COL24A1: variants seen among roughly 807,000 people sequenced by gnomAD.
The protein encoded by COL24A1 is collagen type XXIV alpha 1 chain, also known as collagen alpha-1(XXIV) chain.
A neutral mutation model predicts 253.9 loss-of-function variants in COL24A1; 224 were observed. The ratio of observed to expected loss-of-function variants is 0.88; its 90% confidence interval spans 0.79 to 0.99. The LOEUF (loss-of-function observed/expected upper bound fraction) is 0.99. COL24A1 is among the 50% of genes least tolerant of loss of function. The probability of loss-of-function intolerance (pLI) is 0.00; values close to 1 mark genes in which losing one functional copy is unlikely to be tolerated. For synonymous variants in COL24A1, 685 were observed against 673.7 expected, an observed-to-expected ratio of 1.02 and a Z score of -0.26; for missense variants, 2,131 against 2,068.5, an observed-to-expected ratio of 1.03 and a Z score of -0.59.
intron 2 of COL24A1, among the ~76,000 whole-genome samples, chr1:86,139,184 GGGGAGAGGGA>G (rs1650720362): frequency 6.6e-6 from 1 of 151,090 alleles, no homozygotes; most frequent in Non-Finnish European, 1.5e-5. Flanking sequence ...GAGAAAGGGG[GGGGAGAGGGA>G]GGAGAGAGAA....
At chr1:85,893,240 C>T (rs1482301866) in intron 31 of COL24A1, among the ~76,000 whole-genome samples, 1 of 151,770 alleles carries the variant, frequency 6.6e-6, no homozygotes, top group Admixed American at 6.6e-5. Flanking sequence ...TACTTCACAA[C>T]AAATAGTATT....
At chr1:86,045,323 A>G (rs1476649981) in intron 12 of COL24A1, among the ~76,000 whole-genome samples, 2 of 152,178 alleles carry the variant, frequency 1.3e-5, no homozygotes, top group South Asian at 2.1e-4. Context: ...AGGGTAAGGT[A>G]GCATTTTAAG....
intron 24 of COL24A1, among the ~76,000 whole-genome samples, chr1:85,925,743 C>T (rs1282204174): frequency 1.3e-5 from 2 of 152,144 alleles, no homozygotes; most frequent in Admixed American, 6.6e-5. Context: ...TAAGCATTAC[C>T]ATCCAGGCCA....
At chr1:86,137,711 G>A (rs1650465583) in intron 2 of COL24A1, among the ~76,000 whole-genome samples, 2 of 152,078 alleles carry the variant, frequency 1.3e-5, no homozygotes, top group South Asian at 4.1e-4. Flanking sequence ...AACCACATAT[G>A]CTGACTCACA....
In COL24A1 at chr1:85,730,519, C is replaced by T. The variant is rs1663368649; in HGVS notation, c.*27G>A. ...TCTGCAGCAATTACCTGGCCAACAG[C>T]CTGAATTCGGAACTAATTCAGAGAC... On this transcript the variant is annotated 3_prime_UTR_variant, in exon 60 of 60. Coordinates refer to ENST00000370571, the MANE Select transcript of COL24A1 (RefSeq NM_152890.7). The T allele has an allele frequency of 6.2e-7, 1 of 1,609,224 alleles. No homozygotes were observed. Among genetic ancestry groups the T allele is most frequent in the African/African-American group, 1.3e-5 (1 of 74,822 alleles).
intron 19 of COL24A1, among the ~76,000 whole-genome samples, chr1:85,988,556 G>T (rs1305309430): frequency 6.6e-6 from 1 of 151,968 alleles, no homozygotes; most frequent in Non-Finnish European, 1.5e-5. Flanking sequence ...TATTGATTTT[G>T]TCATAGATTA....
chr1:86,070,789 T>G (rs1166659286), intron 7 of COL24A1, among the ~76,000 whole-genome samples: 1 of 152,044 alleles, frequency 6.6e-6, no homozygotes, highest in Non-Finnish European at 1.5e-5. Flanking sequence ...AAACAAAAGT[T>G]AATGGATTCC....
rs539249068 is a variant in COL24A1 at position 85,882,689 on chromosome 1, A to C, written c.2977-5514T>G. ...TTTCTGCCTGCTGGGTCTCTCAATT[A>C]CTGATAGAGGGGTGTTATTGTCTCC... is the stretch of plus-strand genomic sequence containing the variant. On this transcript the variant is annotated intron_variant, in intron 32 of 59. Coordinates refer to ENST00000370571, the MANE Select transcript of COL24A1 (RefSeq NM_152890.7). 3.9e-5 allele frequency among the ~76,000 whole-genome samples: 6 copies of C among 152,254 alleles called. No homozygotes were observed. In the South Asian group the frequency reaches 1.2e-3, roughly 32 times the overall value.
intron 19 of COL24A1, among the ~76,000 whole-genome samples, chr1:86,009,150 T>C (rs1696267413): frequency 6.6e-6 from 1 of 152,160 alleles, no homozygotes; most frequent in Non-Finnish European, 1.5e-5. Flanking sequence ...AATGCAAATG[T>C]AGCCAGGAAA....
intron 47 of COL24A1, among the ~76,000 whole-genome samples, chr1:85,791,537 G>C (rs313720): frequency 0.99 from 150,605 of 152,252 alleles, 74,509 homozygotes; most frequent in Middle Eastern, 1. Flanking sequence ...TTTCAAAATC[G>C]ATTTGACTGT....
intron 20 of COL24A1, among the ~76,000 whole-genome samples, chr1:85,975,398 G>A (rs1320549057): frequency 6.6e-6 from 1 of 152,112 alleles, no homozygotes; most frequent in Non-Finnish European, 1.5e-5. Context: ...TAAAGAAAAT[G>A]TAGTATATTA....
intron 2 of COL24A1, among the ~76,000 whole-genome samples, chr1:86,137,387 T>C (rs72945777): frequency 5.5e-4 from 83 of 152,288 alleles, no homozygotes; most frequent in African/African-American, 1.8e-3. Flanking sequence ...ATAACAACTG[T>C]ATGAAGTAGG....
chr1:85,729,528 CAT>C lies in COL24A1; in HGVS notation c.*1016_*1017del, dbSNP rs1282969492. 2.0e-5 allele frequency: 3 copies of C among 152,110 alleles called. No individual in the cohort carries two copies. The highest frequency in any genetic ancestry group is 2.9e-5 in the Non-Finnish European group (2 of 67,922). 9.4% of individuals were successfully genotyped at this position (152,110 alleles called of 1,614,324 possible). A position where few individuals can be genotyped will look rare whatever the true frequency, so the allele number is the denominator to read the frequency against. On this transcript the variant is annotated 3_prime_UTR_variant, in exon 60 of 60. Coordinates refer to ENST00000370571, the MANE Select transcript of COL24A1 (RefSeq NM_152890.7). Reference sequence around the variant, plus strand: ...AAGAAAATCAATGAATACTACAAAACATATAATTTCTACAAAGCAGAAATATA... The same window carrying C: ...AAGAAAATCAATGAATACTACAAAACATAATTTCTACAAAGCAGAAATATA...
chr1:85,993,904 G>A (rs1237828914), intron 19 of COL24A1, among the ~76,000 whole-genome samples: 1 of 151,844 alleles, frequency 6.6e-6, no homozygotes, highest in African/African-American at 2.4e-5. Flanking sequence ...TGTTTTAGAG[G>A]TAATAGCATG....
At chr1:86,024,992 A>C (rs180923255) in intron 14 of COL24A1, among the ~76,000 whole-genome samples, 1 of 152,178 alleles carries the variant, frequency 6.6e-6, no homozygotes, top group Non-Finnish European at 1.5e-5. Context: ...AAAAAATCAC[A>C]TAACAGTAAG....
At chr1:85,899,657 AG>A (rs1447565951) in intron 28 of COL24A1, among the ~76,000 whole-genome samples, 6 of 152,238 alleles carry the variant, frequency 3.9e-5, no homozygotes, top group African/African-American at 1.4e-4. Context: ...TTATTTAAAA[AG>A]ATTGTTTGGT....
At chr1:85,734,392 C>T (rs1663828016) in intron 59 of COL24A1, among the ~76,000 whole-genome samples, 1 of 152,162 alleles carries the variant, frequency 6.6e-6, no homozygotes, top group Non-Finnish European at 1.5e-5. Context: ...AGTGAAAACA[C>T]ATGAAAATAT....
chr1:86,085,735 C>T (rs1331312569), intron 7 of COL24A1, among the ~76,000 whole-genome samples: 1 of 152,172 alleles, frequency 6.6e-6, no homozygotes, highest in Non-Finnish European at 1.5e-5. Context: ...TAAAAATATA[C>T]TTCAGTTCCT....
chr1:86,000,168 A>G (rs2101045257), intron 19 of COL24A1, among the ~76,000 whole-genome samples: 1 of 152,120 alleles, frequency 6.6e-6, no homozygotes, highest in Admixed American at 6.5e-5. Context: ...ATTTCTGTAA[A>G]CCCTTCCATC....
Sources: allele counts gnomAD v4.1 joint callset (sites outside exome capture counted in the v4.1 genomes callset), GRCh38; gene constraint gnomAD v4.1.1; transcripts MANE v1.5; gene names NCBI Gene and HGNC (gene_info 2026-07-23, HGNC 2026-07-21).